CSMD2: variants seen among roughly 807,000 people sequenced by gnomAD.
CSMD2 encodes CUB and Sushi multiple domains 2, also known as CUB and sushi domain-containing protein 2.
Under a neutral mutation model 398.5 loss-of-function variants are expected in CSMD2, and 130 were observed. The ratio of observed to expected loss-of-function variants is 0.33; its 90% CI spans 0.28 to 0.38. CSMD2 has a LOEUF of 0.38. Ranked by LOEUF, CSMD2 falls within the 10% of genes least tolerant of loss-of-function variation. CSMD2 has a pLI of 1.00. For missense variants in CSMD2, 3,829 were observed against 4,764.9 expected, an observed-to-expected ratio of 0.80 and a Z score of 5.78; for synonymous variants, 1,828 against 1,908.5, an observed-to-expected ratio of 0.96 and a Z score of 1.10.
chr1:33,799,481 AC>A (rs1290293240), intron 10 of CSMD2, among the ~76,000 whole-genome samples: 1 of 152,192 alleles, frequency 6.6e-6, no homozygotes, highest in East Asian at 1.9e-4. Flanking sequence ...TGCTGTGAAC[AC>A]CATGGATAGT....
intron 12 of CSMD2, among the ~76,000 whole-genome samples, chr1:33,780,333 C>A (rs985686609): frequency 6.6e-6 from 1 of 152,198 alleles, no homozygotes; most frequent in Non-Finnish European, 1.5e-5. Context: ...TGCTTTTCTA[C>A]TTCTGATTAT....
At chr1:34,142,683 A>C (rs1472318701) in intron 1 of CSMD2, among the ~76,000 whole-genome samples, 2 of 152,224 alleles carry the variant, frequency 1.3e-5, no homozygotes, top group East Asian at 1.9e-4. Flanking sequence ...ATGTAACTCC[A>C]ACATTTACCA....
At position 33,635,306 on chromosome 1, in the gene CSMD2, C is replaced by T. The variant is rs778565608; in HGVS notation, c.4994G>A (p.Gly1665Asp). 4 of 1,612,288 alleles carry T rather than the reference C, an allele frequency of 2.5e-6. No homozygotes were observed. The East Asian group carries it at 8.9e-5, about 36-fold the overall frequency. ...GGGGGACAAGACCACTCCGTCCGAACCCACATACTGTCCCCCACAGGGGGC... is the reference window on the plus strand; with the variant it reads ...GGGGGACAAGACCACTCCGTCCGAATCCACATACTGTCCCCCACAGGGGGC... ...CTAPCGGQYV[G>D]SDGVVLSPNY... The change falls in exon 31 of 71, where the codon GGT becomes GAT. Residue 1665 changes from glycine to aspartate, a missense_variant. Physicochemically the swap from Gly to Asp is moderately conservative, Grantham distance 94 (BLOSUM62 -1). This residue lies in a region of CSMD2 where 2,001 missense variants were observed against 2,567.1 expected (regional missense o/e 0.78). Coordinates refer to ENST00000373381, the MANE Select transcript of CSMD2 (RefSeq NM_001281956.2). The surrounding 1 kb of genome is among the most constrained non-coding windows in gnomAD (Gnocchi z 5.0).
At chr1:33,886,598 A>G (rs11810389) in intron 5 of CSMD2, among the ~76,000 whole-genome samples, 2,275 of 152,212 alleles carry the variant, frequency 0.015, 57 homozygotes, top group African/African-American at 0.051. Flanking sequence ...CCCAGCACAG[A>G]GCAGAGGTTC....
intron 15 of CSMD2, among the ~76,000 whole-genome samples, chr1:33,727,776 C>T (rs1241207443): frequency 6.6e-6 from 1 of 152,060 alleles, no homozygotes; most frequent in African/African-American, 2.4e-5. Context: ...GATATAAGCT[C>T]CTGATTTTTA....
At chr1:33,691,574 A>T (rs1485040608) in intron 25 of CSMD2, among the ~76,000 whole-genome samples, 1 of 152,198 alleles carries the variant, frequency 6.6e-6, no homozygotes, top group East Asian at 1.9e-4. Context: ...AAACTCTTAC[A>T]TGCAGGAATC....
At chr1:33,861,520 T>C (rs890439430) in intron 5 of CSMD2, among the ~76,000 whole-genome samples, 3 of 152,190 alleles carry the variant, frequency 2.0e-5, no homozygotes, top group African/African-American at 7.2e-5. Context: ...GGTCTGGTCA[T>C]GCTACTGTCC....
chr1:34,137,856 G>A (rs1041733364), intron 1 of CSMD2, among the ~76,000 whole-genome samples: 2 of 152,182 alleles, frequency 1.3e-5, no homozygotes, highest in East Asian at 1.9e-4. Context: ...GAGAAACTGC[G>A]TTCACAGAGG....
At position 33,559,383 on chromosome 1, in the gene CSMD2, T is replaced by C. The variant is rs1658341986; in HGVS notation, c.8471A>G (p.Asn2824Ser). 6.5e-7 allele frequency: 1 copy of C among 1,536,010 alleles called. No individual in the cohort carries two copies. The highest frequency in any genetic ancestry group is 1.2e-5 in the South Asian group (1 of 84,056). The change falls in exon 54 of 71, where the codon AAC becomes AGC. Residue 2824 changes from asparagine (N) to serine (S), a missense_variant. By Grantham distance (46) the Asn-to-Ser change is conservative. Transcript: ENST00000373381. The surrounding 1 kb of genome is among the most constrained non-coding windows in gnomAD (Gnocchi z 4.0). Reference sequence around the variant, plus strand: ...AGCCCCCTCAGCCATATACCCAGGGTTGCAAACAAACTTGACCACATCGTT... The same window carrying C: ...AGCCCCCTCAGCCATATACCCAGGGCTGCAAACAAACTTGACCACATCGTT... ...NLNDVVKFVCNPGYMAEGAAR... is the reference protein window; with the variant it reads ...NLNDVVKFVCSPGYMAEGAAR...
chr1:33,867,403 C>T (rs1013301949), intron 5 of CSMD2, among the ~76,000 whole-genome samples: 1 of 152,228 alleles, frequency 6.6e-6, no homozygotes, highest in African/African-American at 2.4e-5. Context: ...TTGGCCCTGG[C>T]TGACCAAGGC....
intron 36 of CSMD2, 117 bp downstream of exon 36, chr1:33,623,253 T>C (rs1335337698): frequency 4.0e-6 from 3 of 741,142 alleles, no homozygotes; most frequent in Non-Finnish European, 6.8e-6. Flanking sequence ...CACTTGAAAA[T>C]GGTGAATTTC....
intron 1 of CSMD2, among the ~76,000 whole-genome samples, chr1:34,136,256 C>T (rs1335820559): frequency 6.6e-6 from 1 of 152,182 alleles, no homozygotes; most frequent in African/African-American, 2.4e-5. Flanking sequence ...AAGAAAAAAC[C>T]TCACATCCAT....
Position 33,716,448 on chromosome 1 carries a change from G to C in CSMD2, c.3055C>G (p.Leu1019Val), listed in dbSNP as rs770157297. 1 of 1,613,980 alleles carries C rather than the reference G, an allele frequency of 6.2e-7. No individual in the cohort carries two copies. The highest frequency in any genetic ancestry group is 1.1e-5 in the South Asian group (1 of 91,048). The change falls in exon 20 of 71, where the codon CTC becomes GTC. Residue 1019 changes from leucine to valine, a missense_variant. By Grantham distance (32) the Leu-to-Val change is conservative (BLOSUM62 1). Coordinates refer to ENST00000373381, the MANE Select transcript of CSMD2 (RefSeq NM_001281956.2). The part of the protein sequence containing the change: ...FHLESGHDYL[L>V]ITENGSFTQP... ...GTGAAGCTGCCGTTCTCAGTGATGA[G>C]GAGGTAGTCATGGCCACTTTCCAGG...
intron 7 of CSMD2, among the ~76,000 whole-genome samples, chr1:33,823,297 G>C (rs145140673): frequency 1.3e-5 from 2 of 152,200 alleles, no homozygotes; most frequent in Non-Finnish European, 2.9e-5. Flanking sequence ...GTGGTCCCAC[G>C]AGGATCTTCA....
chr1:33,788,626 G>T lies in CSMD2; in HGVS notation c.1637C>A (p.Ser546Tyr). The change falls in exon 12 of 71, where the codon TCC becomes TAC. Residue 546 changes from serine (S) to tyrosine (Y), a missense_variant. Physicochemically the swap from Ser to Tyr is moderately radical, Grantham distance 144. Around this residue, in one of 5 missense-constraint regions of CSMD2, gnomAD observed 2,001 missense variants for 2,567.1 expected, o/e 0.78. Transcript: ENST00000373381. ...TTCATAAGAAGCCTTGAATCCCAGG[G>T]AACTGCCACTGCCATCAGTCTGGAA... ...LLFQTDGSGSSLGFKASYEEI... is the reference protein window; with the variant it reads ...LLFQTDGSGSYLGFKASYEEI... 6.2e-7 allele frequency: 1 copy of T among 1,612,434 alleles called. No homozygotes were observed. Among genetic ancestry groups the T allele is most frequent in the Non-Finnish European group, 8.5e-7 (1 of 1,178,490 alleles).
Position 33,569,310 on chromosome 1 carries a change from T to A in CSMD2, c.8131+64A>T, listed in dbSNP as rs1659357186. The A allele has an allele frequency of 4.7e-6, 7 of 1,493,354 alleles. No homozygotes were observed. In the Admixed American group the frequency reaches 8.2e-5, roughly 18 times the overall value. The allele number at this position is 1,493,354 out of a possible 1,614,324, so 92.5% of individuals were successfully genotyped here. A position where few individuals can be genotyped will look rare whatever the true frequency, so the allele number is the denominator to read the frequency against. On this transcript the variant is annotated intron_variant, in intron 52 of 70. Coordinates refer to ENST00000373381, the MANE Select transcript of CSMD2 (RefSeq NM_001281956.2). Reference sequence around the variant, plus strand: ...CTGTTTAAAGACTGGATCTCAGCTTTGGAAAGATCTAATCTATCTCAAGGA... The same window carrying A: ...CTGTTTAAAGACTGGATCTCAGCTTAGGAAAGATCTAATCTATCTCAAGGA...
intron 36 of CSMD2, among the ~76,000 whole-genome samples, chr1:33,623,096 T>C (rs1641877048): frequency 6.6e-6 from 1 of 152,174 alleles, no homozygotes; most frequent in Non-Finnish European, 1.5e-5. Context: ...AGAAAGTAGA[T>C]TACTGGTTAC....
chr1:33,646,416 G>A (rs1643429010), intron 29 of CSMD2, among the ~76,000 whole-genome samples: 1 of 152,204 alleles, frequency 6.6e-6, no homozygotes, highest in African/African-American at 2.4e-5. Flanking sequence ...TAGATGAGGT[G>A]CAAAAAGAAT....
intron 3 of CSMD2, among the ~76,000 whole-genome samples, chr1:34,026,917 A>C (rs1021003166): frequency 6.6e-6 from 1 of 152,212 alleles, no homozygotes; most frequent in South Asian, 2.1e-4. Context: ...AGAAACCAAG[A>C]TCAACACATC....
Sources: allele counts gnomAD v4.1 joint callset (sites outside exome capture counted in the v4.1 genomes callset), GRCh38; gene constraint gnomAD v4.1.1; regional missense constraint gnomAD v4.1.1; non-coding constraint Gnocchi (gnomAD v3.1); transcripts MANE v1.5; gene names NCBI Gene and HGNC (gene_info 2026-07-23, HGNC 2026-07-21).